Variants in CNKSR2 observed in about 807,000 individuals in gnomAD.
CNKSR2 encodes the protein connector enhancer of kinase suppressor of Ras 2.
In CNKSR2, 14 loss-of-function variants were observed where a neutral mutation model predicts 84.4. That is an observed-to-expected ratio of 0.17 (90% CI 0.11 to 0.26). The LOEUF (loss-of-function observed/expected upper bound fraction) is 0.26. Among genes scored for constraint, CNKSR2 ranks in the 10% least tolerant of loss-of-function variants. CNKSR2 has a pLI of 1.00. For synonymous variants in CNKSR2, 275 were observed against 277.9 expected (o/e 0.99, Z 0.10); for missense variants, 485 against 771.2 (o/e 0.63, Z 4.40).
intron 5 of CNKSR2, among the ~76,000 whole-genome samples, chrX:21,472,180 A>C (rs1345566936): frequency 1.8e-5 from 2 of 111,672 alleles, no homozygotes; most frequent in African/African-American, 6.5e-5. Flanking sequence ...ATAACTAAGG[A>C]GCATGCACAG....
intron 20 of CNKSR2, among the ~76,000 whole-genome samples, chrX:21,636,625 A>T (rs2147329948): frequency 9.0e-6 from 1 of 111,283 alleles, no homozygotes. Flanking sequence ...CTCCTGAAAT[A>T]TTTAAAAATA....
intron 20 of CNKSR2, among the ~76,000 whole-genome samples, chrX:21,629,112 A>C (rs1397178425): frequency 1.8e-5 from 2 of 112,551 alleles, no homozygotes; most frequent in East Asian, 5.6e-4. Context: ...AATGCCCACC[A>C]GTCTCTTTGC....
Position 21,653,550 on chromosome X carries a change from A to G in CNKSR2, c.*1029A>G, listed in dbSNP as rs765715706. 1 of 110,179 alleles carries G rather than the reference A, an allele frequency of 9.1e-6. No individual in the cohort carries two copies. Among genetic ancestry groups the G allele is most frequent in the Non-Finnish European group, 1.9e-5 (1 of 52,858 alleles). The allele number at this position is 110,179 out of a possible 1,213,427, so 9.1% of individuals were successfully genotyped here. On this transcript the variant is annotated 3_prime_UTR_variant, in exon 22 of 22. Transcript: ENST00000379510. ...TTAGTTTCAGGCTGATGTGTGTTAT[A>G]AAAAACAACACTGAAAAATAAAAAT...
At chrX:21,530,701 G>A (rs899234058) in intron 10 of CNKSR2, among the ~76,000 whole-genome samples, 1 of 110,811 alleles carries the variant, frequency 9.0e-6, no homozygotes, top group Non-Finnish European at 1.9e-5. Flanking sequence ...CACAAGGGGG[G>A]AAACATTGCA....
chrX:21,469,546 TG>T (rs1234322598), intron 4 of CNKSR2, among the ~76,000 whole-genome samples: 199 of 110,391 alleles, frequency 1.8e-3, no homozygotes, highest in African/African-American at 5.9e-3. Context: ...GAAATGGGTT[TG>T]TTTTTTTTTT....
chrX:21,550,219 T>C (rs1326323981), intron 11 of CNKSR2, among the ~76,000 whole-genome samples: 2 of 111,313 alleles, frequency 1.8e-5, no homozygotes, highest in African/African-American at 6.6e-5. Context: ...ATTAAACAAA[T>C]GTACAAGAAA....
At chrX:21,420,037 A>T (rs1370360819) in intron 1 of CNKSR2, among the ~76,000 whole-genome samples, 1 of 112,062 alleles carries the variant, frequency 8.9e-6, no homozygotes, top group African/African-American at 3.2e-5. Context: ...GGAGCCAGGG[A>T]CTAGCATTTA....
chrX:21,426,390 A>T (rs1329270250), intron 1 of CNKSR2, 107 bp from the exon 2 acceptor site: 5 of 724,360 alleles, frequency 6.9e-6, no homozygotes, highest in Non-Finnish European at 1.0e-5. Flanking sequence ...GTTAAAATGG[A>T]CTTAATTTGT....
rs113629606 is a variant in CNKSR2, at chrX:21,526,786, A to ATTGTTG, written c.958-54_958-49dup. 759 of 764,034 alleles carry ATTGTTG rather than the reference A, an allele frequency of 9.9e-4. 1 individual carries two copies. The highest frequency in any genetic ancestry group is 1.3e-3 in the Non-Finnish European group (650 of 519,844). The allele number at this position is 764,034 out of a possible 1,213,427, so 63.0% of individuals were successfully genotyped here. On this transcript the variant is annotated intron_variant, in intron 9 of 21. Transcript: ENST00000379510. ...AATTTTAAAATGATAACTATGTGTC[A>ATTGTTG]TTGTTGTTGTTGTTGTTGTTGTTGT...
chrX:21,426,167 AGATAAATTT>A (rs2090561945), intron 1 of CNKSR2: 2 of 191,896 alleles, frequency 1.0e-5, no homozygotes, highest in Non-Finnish European at 9.4e-6. Flanking sequence ...AATTTGATGC[AGATAAATTT>A]GAAAATAGGG....
At chrX:21,407,002 T>C (rs931476126) in intron 1 of CNKSR2, among the ~76,000 whole-genome samples, 47 of 112,157 alleles carry the variant, frequency 4.2e-4, no homozygotes, top group African/African-American at 1.4e-3. Context: ...AAAGTTTCAT[T>C]GATTCTGCTC....
chrX:21,579,021 TC>T (rs1229366322), intron 13 of CNKSR2, among the ~76,000 whole-genome samples: 1 of 111,569 alleles, frequency 9.0e-6, no homozygotes, highest in Admixed American at 9.5e-5. Context: ...AAGGAGGAGA[TC>T]CGATTGGAGC....
chrX:21,471,743 C>A (rs2147145377), intron 5 of CNKSR2, among the ~76,000 whole-genome samples: 1 of 111,541 alleles, frequency 9.0e-6, no homozygotes, highest in Non-Finnish European at 1.9e-5. Flanking sequence ...CTCTCCCCCT[C>A]ATTGTGCAGT....
intron 7 of CNKSR2, among the ~76,000 whole-genome samples, chrX:21,498,440 C>T (rs1020400196): frequency 9.2e-6 from 1 of 108,850 alleles, no homozygotes; most frequent in East Asian, 2.8e-4. Flanking sequence ...GGCATATTTG[C>T]GAACCACCAT....
intron 20 of CNKSR2, among the ~76,000 whole-genome samples, chrX:21,646,238 G>A (rs942291508): frequency 9.0e-6 from 1 of 111,492 alleles, no homozygotes; most frequent in Admixed American, 9.5e-5. Flanking sequence ...GTGATTGCTT[G>A]TTCAAGTGTG....
At chrX:21,601,123 A>G (rs774001202) in intron 17 of CNKSR2, among the ~76,000 whole-genome samples, 159 bp from the exon 18 acceptor site, 1 of 112,335 alleles carries the variant, frequency 8.9e-6, no homozygotes, top group African/African-American at 3.2e-5. Flanking sequence ...AGCAAATTGT[A>G]TCTCATTAAA....
At chrX:21,490,373 C>T in intron 5 of CNKSR2, 86 bp from the exon 6 acceptor site, 3 of 929,339 alleles carry the variant, frequency 3.2e-6, no homozygotes, top group South Asian at 2.8e-5. Flanking sequence ...TTTATTTTTC[C>T]TTATGAAAAC....
At chrX:21,473,722 G>A (rs1441632716) in intron 5 of CNKSR2, among the ~76,000 whole-genome samples, 1 of 97,503 alleles carries the variant, frequency 1.0e-5, no homozygotes, top group Non-Finnish European at 2.0e-5. Flanking sequence ...TCATTATTTA[G>A]GTTTTTTGTT....
At chrX:21,561,613 T>A in intron 12 of CNKSR2, 53 bp downstream of exon 12, 1 of 870,912 alleles carries the variant, frequency 1.1e-6, no homozygotes, top group South Asian at 2.2e-5. Flanking sequence ...AATAAGCAAA[T>A]TTAAATGTTC....
Sources: allele counts gnomAD v4.1 joint callset (sites outside exome capture counted in the v4.1 genomes callset), GRCh38; gene constraint gnomAD v4.1.1; transcripts MANE v1.5; gene names NCBI Gene and HGNC (gene_info 2026-07-23, HGNC 2026-07-21).